MEMO1: variants seen among roughly 807,000 people sequenced by gnomAD.
MEMO1 encodes protein MEMO1.
Under a neutral mutation model 45.2 loss-of-function variants are expected in MEMO1, and 6 were observed. The ratio of observed to expected loss-of-function variants is 0.13; its 90% CI spans 0.07 to 0.26. The LOEUF is 0.26. Ranked by LOEUF, MEMO1 falls within the 10% of genes least tolerant of loss-of-function variation. MEMO1 has a pLI of 1.00. For synonymous variants in MEMO1, 78 were observed against 124.3 expected, an observed-to-expected ratio of 0.63 and a Z score of 2.48; for missense variants, 184 against 370.5, an observed-to-expected ratio of 0.50 and a Z score of 4.13.
At chr2:31,948,506 G>C (rs1302196485) in intron 2 of MEMO1, among the ~76,000 whole-genome samples, 1 of 152,162 alleles carries the variant, frequency 6.6e-6, no homozygotes, top group African/African-American at 2.4e-5. Context: ...ATCAAACTAA[G>C]AAATAAACTG....
chr2:31,930,709 G>A (rs956744990), intron 4 of MEMO1, among the ~76,000 whole-genome samples: 10 of 151,706 alleles, frequency 6.6e-5, no homozygotes, highest in East Asian at 1.9e-4. Context: ...GCGGTGGCGC[G>A]ATCTTGGCTC....
intron 2 of MEMO1, among the ~76,000 whole-genome samples, chr2:31,978,110 G>A (rs1670212995): frequency 3.3e-5 from 5 of 152,142 alleles, no homozygotes; most frequent in Admixed American, 3.3e-4. Flanking sequence ...AATGCAGCCA[G>A]GCACGGTGGC....
At chr2:31,933,356 T>TATATATATATAC (rs1664517012) in intron 3 of MEMO1, among the ~76,000 whole-genome samples, 1 of 24,270 alleles carries the variant, frequency 4.1e-5, no homozygotes, top group East Asian at 1.3e-3. Flanking sequence ...AAAATTTATA[T>TATATATATATAC]ATATATATAT....
At chr2:31,922,712 G>T (rs1420738441) in intron 4 of MEMO1, among the ~76,000 whole-genome samples, 2 of 151,874 alleles carry the variant, frequency 1.3e-5, no homozygotes, top group Non-Finnish European at 2.9e-5. Context: ...GCTTCTACTT[G>T]TGAGAACATG....
intron 4 of MEMO1, among the ~76,000 whole-genome samples, chr2:31,926,626 A>T (rs1416515877): frequency 6.6e-6 from 1 of 152,140 alleles, no homozygotes; most frequent in Non-Finnish European, 1.5e-5. Context: ...AGGTGGGTGG[A>T]TCACCTGAAG....
chr2:31,970,614 T>G (rs541130407), intron 2 of MEMO1, among the ~76,000 whole-genome samples: 1 of 151,550 alleles, frequency 6.6e-6, no homozygotes, highest in Non-Finnish European at 1.5e-5. Flanking sequence ...AAATGCACTA[T>G]CATTCCCACC....
At chr2:32,000,252 G>C (rs575338528) in intron 2 of MEMO1, among the ~76,000 whole-genome samples, 1 of 149,188 alleles carries the variant, frequency 6.7e-6, no homozygotes, top group South Asian at 2.1e-4. Context: ...TTTTTGAGAC[G>C]GAGTTTCACT....
At chr2:31,889,030 G>A (rs553989135) in intron 7 of MEMO1, among the ~76,000 whole-genome samples, 1 of 152,072 alleles carries the variant, frequency 6.6e-6, no homozygotes, top group South Asian at 2.1e-4. Context: ...AAAGAACACT[G>A]GCTAACAAAT....
chr2:31,905,599 G>A lies in MEMO1; in HGVS notation c.437+12327C>T, dbSNP rs1418401554. ...GGCCAAGTTTGCTGTCAGAATCATA[G>A]AGAAATTCCTGCATGTTTTTAAAAA... On this transcript the variant is annotated intron_variant, in intron 6 of 9. Coordinates refer to ENST00000404530, the MANE Select transcript of MEMO1 (RefSeq NM_001301833.4). Among the ~76,000 whole-genome samples the A allele has an allele frequency of 2.0e-5, 3 of 152,154 alleles. No individual in the cohort carries two copies. The East Asian group carries it at 5.8e-4, about 29-fold the overall frequency.
chr2:31,998,375 C>G (rs915430868), intron 2 of MEMO1, among the ~76,000 whole-genome samples: 2 of 152,118 alleles, frequency 1.3e-5, no homozygotes, highest in African/African-American at 4.8e-5. Context: ...GATGCTTAAT[C>G]TGTATTCCTT....
intron 2 of MEMO1, among the ~76,000 whole-genome samples, chr2:31,960,394 T>C (rs1015231125): frequency 6.6e-6 from 1 of 152,088 alleles, no homozygotes; most frequent in African/African-American, 2.4e-5. Context: ...TGAACATCTA[T>C]TAATTATAGC....
At chr2:31,885,445 TG>T in intron 7 of MEMO1, among the ~76,000 whole-genome samples, 1 of 152,350 alleles carries the variant, frequency 6.6e-6, no homozygotes, top group African/African-American at 2.4e-5. Context: ...CATTGCCAGG[TG>T]GCTGTGAGAA....
intron 7 of MEMO1, 70 bp from the exon 8 acceptor site, chr2:31,883,532 C>T: frequency 2.6e-6 from 3 of 1,139,868 alleles, no homozygotes; most frequent in Non-Finnish European, 3.8e-6. Flanking sequence ...CAAGCGCTTA[C>T]CAAATAATTT....
At chr2:31,885,485 G>A (rs1676055246) in intron 7 of MEMO1, among the ~76,000 whole-genome samples, 1 of 152,192 alleles carries the variant, frequency 6.6e-6, no homozygotes, top group East Asian at 1.9e-4. Flanking sequence ...CTAAAGTGCA[G>A]TTATAATAAT....
chr2:31,944,039 TCA>T (rs1427523151), intron 2 of MEMO1, among the ~76,000 whole-genome samples: 9 of 152,184 alleles, frequency 5.9e-5, no homozygotes, highest in Admixed American at 5.2e-4. Flanking sequence ...AAATCCATCA[TCA>T]CAGTCATTTC....
rs368171304 is a variant in MEMO1 at position 32,004,689 on chromosome 2, G to A, written c.61+5498C>T. ...TGTAATCCCAGTACTTTGGGAGGCT[G>A]AGGGAGGGGCACAAATCACCTGAGG... On this transcript the variant is annotated intron_variant, in intron 2 of 9. Transcript: ENST00000404530. 3.5e-4 allele frequency among the ~76,000 whole-genome samples: 53 copies of A among 152,248 alleles called. No homozygotes were observed. The East Asian group carries it at 7.9e-3, about 23-fold the overall frequency.
intron 4 of MEMO1, among the ~76,000 whole-genome samples, chr2:31,922,622 T>C (rs1257845547): frequency 6.6e-6 from 1 of 151,754 alleles, no homozygotes; most frequent in African/African-American, 2.4e-5. Context: ...TTTATCCTCA[T>C]CCTCCTCCCA....
chr2:31,924,462 C>A (rs972358726), intron 4 of MEMO1, among the ~76,000 whole-genome samples: 1 of 150,284 alleles, frequency 6.7e-6, no homozygotes, highest in East Asian at 1.9e-4. Context: ...AAAAAAAAAC[C>A]TTTAACACGA....
At chr2:31,869,253 A>G (rs571168409) in intron 9 of MEMO1, among the ~76,000 whole-genome samples, 5 of 152,234 alleles carry the variant, frequency 3.3e-5, no homozygotes, top group Admixed American at 3.3e-4. Context: ...CTGAGTATAC[A>G]CTTTCTTCTT....
Sources: allele counts gnomAD v4.1 joint callset (sites outside exome capture counted in the v4.1 genomes callset), GRCh38; gene constraint gnomAD v4.1.1; transcripts MANE v1.5; gene names NCBI Gene and HGNC (gene_info 2026-07-23, HGNC 2026-07-21).